HTR4: variants seen among roughly 807,000 people sequenced by gnomAD.
HTR4 encodes 5-hydroxytryptamine (serotonin) receptor 4, G protein-coupled.
A neutral mutation model predicts 36.8 loss-of-function variants in HTR4; 16 were observed. That is an observed-to-expected ratio of 0.43 (90% CI 0.29 to 0.66). The LOEUF (loss-of-function observed/expected upper bound fraction) is 0.66. Among genes scored for constraint, HTR4 ranks in the 30% least tolerant of loss-of-function variants. The pLI, the probability that HTR4 is intolerant of heterozygous loss-of-function variation, is 0.13. For missense variants in HTR4, 438 were observed against 490.9 expected, an observed-to-expected ratio of 0.89 and a Z score of 1.02; for synonymous variants, 189 against 185.1, an observed-to-expected ratio of 1.02 and a Z score of -0.17.
Position 148,550,156 on chromosome 5 carries a change from A to G in HTR4, c.133T>C (p.Cys45Arg). ...GCTCACCTGAGCTGCCTGTCCCAGC[A>G]CACAGCCACCATCACCAGCAGGTTC... ...LGNLLVMVAV[C>R]WDRQLRKIKT... Residue 45 changes from cysteine (C) to arginine (R), a missense_variant, in exon 3 of 7, where the codon TGC becomes CGC. Coordinates refer to ENST00000377888, the MANE Select transcript of HTR4 (RefSeq NM_000870.7). The G allele has an allele frequency of 6.2e-7, 1 of 1,614,136 alleles. No homozygotes were observed. The highest frequency in any genetic ancestry group is 8.5e-7 in the Non-Finnish European group (1 of 1,180,010).
At chr5:148,466,520 CAGTT>C (rs2113699264) in intron 5 of HTR4, among the ~76,000 whole-genome samples, 1 of 152,220 alleles carries the variant, frequency 6.6e-6, no homozygotes, top group East Asian at 1.9e-4. Flanking sequence ...TCATTCAGCA[CAGTT>C]AGATATGTCA....
chr5:148,643,388 T>C (rs911942530), intron 1 of HTR4, among the ~76,000 whole-genome samples: 1 of 152,178 alleles, frequency 6.6e-6, no homozygotes, highest in African/African-American at 2.4e-5. Context: ...CATGTTGTGC[T>C]GAATGGGATA....
intron 5 of HTR4, among the ~76,000 whole-genome samples, chr5:148,459,804 T>C (rs1755220292): frequency 6.6e-6 from 1 of 152,042 alleles, no homozygotes; most frequent in South Asian, 2.1e-4. Flanking sequence ...AGCTTAAGCA[T>C]CAGAACCAGA....
At chr5:148,582,970 T>A (rs373586185) in intron 2 of HTR4, among the ~76,000 whole-genome samples, 3 of 151,978 alleles carry the variant, frequency 2.0e-5, no homozygotes. Context: ...TCCAACACTA[T>A]GTTGAATAGC....
At chr5:148,523,411 G>C in intron 4 of HTR4, 65 bp from the exon 5 acceptor site, 1 of 1,332,278 alleles carries the variant, frequency 7.5e-7, no homozygotes, top group Non-Finnish European at 1.0e-6. Flanking sequence ...AGAGAAAAGA[G>C]AATATATGAG....
chr5:148,466,403 T>G (rs1304934568), intron 5 of HTR4, among the ~76,000 whole-genome samples: 4 of 152,242 alleles, frequency 2.6e-5, no homozygotes, highest in African/African-American at 9.6e-5. Flanking sequence ...TGCAATTCAT[T>G]TAACAATACA....
At chr5:148,514,620 A>T (rs1452473155) in intron 5 of HTR4, among the ~76,000 whole-genome samples, 1 of 152,178 alleles carries the variant, frequency 6.6e-6, no homozygotes, top group Non-Finnish European at 1.5e-5. Context: ...ATCCAGTGTG[A>T]ATATACACAT....
chr5:148,560,891 G>C (rs1760175200), intron 2 of HTR4, among the ~76,000 whole-genome samples: 1 of 151,948 alleles, frequency 6.6e-6, no homozygotes, highest in Non-Finnish European at 1.5e-5. Flanking sequence ...CTAAAATTTT[G>C]CTTTTTGTCT....
chr5:148,479,482 T>A (rs1035563188), downstream of HTR4, among the ~76,000 whole-genome samples: 1 of 152,140 alleles, frequency 6.6e-6, no homozygotes, highest in African/African-American at 2.4e-5. Context: ...TATAAACATG[T>A]ACAGAATGCA....
intron 2 of HTR4, among the ~76,000 whole-genome samples, chr5:148,568,845 G>A (rs1760559680): frequency 6.6e-6 from 1 of 152,114 alleles, no homozygotes; most frequent in African/African-American, 2.4e-5. Context: ...GATGCATGTA[G>A]AAGGTTGTGT....
At chr5:148,532,224 T>G (rs541855112) in intron 4 of HTR4, among the ~76,000 whole-genome samples, 1 of 152,212 alleles carries the variant, frequency 6.6e-6, no homozygotes, top group South Asian at 2.1e-4. Flanking sequence ...CACCATAACT[T>G]AATATAGCTT....
chr5:148,473,515 C>A (rs1755623998), downstream of HTR4, among the ~76,000 whole-genome samples: 1 of 152,150 alleles, frequency 6.6e-6, no homozygotes, highest in Admixed American at 6.5e-5. Context: ...GTTGCCCAGT[C>A]CTACATATTT....
At chr5:148,636,928 G>C in intron 2 of HTR4, 61 bp downstream of exon 2, 1 of 1,054,594 alleles carries the variant, frequency 9.5e-7, no homozygotes, top group Non-Finnish European at 1.5e-6. Flanking sequence ...CAGATTTTTA[G>C]AGTCTTCATA....
intron 4 of HTR4, among the ~76,000 whole-genome samples, chr5:148,539,364 A>T (rs899360236): frequency 3.9e-5 from 6 of 152,178 alleles, no homozygotes; most frequent in African/African-American, 1.4e-4. Flanking sequence ...CAAAAGCAAA[A>T]ATTAACAAGT....
chr5:148,479,046 A>T (rs1174204214), downstream of HTR4, among the ~76,000 whole-genome samples: 1 of 151,914 alleles, frequency 6.6e-6, no homozygotes, highest in Non-Finnish European at 1.5e-5. Flanking sequence ...GCACATGCTT[A>T]ACCTCAATCC....
intron 2 of HTR4, among the ~76,000 whole-genome samples, chr5:148,557,885 A>G (rs1760025815): frequency 6.6e-6 from 1 of 151,378 alleles, no homozygotes; most frequent in Non-Finnish European, 1.5e-5. Flanking sequence ...CAGGGAAACT[A>G]GAGTACTTTT....
intron 1 of HTR4, chr5:148,645,346 TC>T (rs1753850206): frequency 6.6e-6 from 1 of 152,262 alleles, no homozygotes; most frequent in Admixed American, 6.5e-5. Context: ...ATGGCTGTGT[TC>T]CAATAAAACT....
At chr5:148,505,192 T>C (rs1303135734) in intron 6 of HTR4, among the ~76,000 whole-genome samples, 1 of 152,156 alleles carries the variant, frequency 6.6e-6, no homozygotes, top group African/African-American at 2.4e-5. Flanking sequence ...GTGGGCTTCA[T>C]CCCTGGGATG....
chr5:148,501,773 T>A (rs1438991354), intron 6 of HTR4, among the ~76,000 whole-genome samples: 2 of 152,174 alleles, frequency 1.3e-5, no homozygotes, highest in Non-Finnish European at 1.5e-5. Context: ...GCACTTTTCA[T>A]GAACTCATGA....
Sources: gnomAD v4.1 joint callset for allele counts (sites outside exome capture counted in the v4.1 genomes callset) on GRCh38, gnomAD v4.1.1 for gene constraint, MANE v1.5 for transcripts, NCBI Gene and HGNC (gene_info 2026-07-23, HGNC 2026-07-21) for gene names.